PAK5: variants seen among roughly 807,000 people sequenced by gnomAD.
The protein encoded by PAK5 is serine/threonine-protein kinase PAK 5.
A neutral mutation model predicts 65.9 loss-of-function variants in PAK5; 16 were observed. The ratio of observed to expected loss-of-function variants is 0.24; its 90% CI spans 0.16 to 0.37. The LOEUF (loss-of-function observed/expected upper bound fraction) is 0.37. Among genes scored for constraint, PAK5 ranks in the 10% least tolerant of loss-of-function variants. The pLI, the probability that PAK5 is intolerant of heterozygous loss-of-function variation, is 1.00. For missense variants in PAK5, 785 were observed against 903.9 expected, an observed-to-expected ratio of 0.87 and a Z score of 1.69; for synonymous variants, 371 against 354.9, an observed-to-expected ratio of 1.05 and a Z score of -0.51.
At chr20:9,745,631 T>C (rs2048498478) in intron 1 of PAK5, among the ~76,000 whole-genome samples, 1 of 152,126 alleles carries the variant, frequency 6.6e-6, no homozygotes. Context: ...TCTTTACCTG[T>C]AATGTGTACA....
At chr20:9,814,773 C>T (rs1288681961) in intron 1 of PAK5, among the ~76,000 whole-genome samples, 1 of 152,192 alleles carries the variant, frequency 6.6e-6, no homozygotes, top group Non-Finnish European at 1.5e-5. Flanking sequence ...AGCATTTGTG[C>T]AGGCAACAGC....
intron 2 of PAK5, among the ~76,000 whole-genome samples, chr20:9,691,402 T>C (rs1241832721): frequency 6.6e-6 from 1 of 152,142 alleles, no homozygotes; most frequent in African/African-American, 2.4e-5. Flanking sequence ...CAAAAAGCTT[T>C]AGGCAACTGT....
At chr20:9,620,117 A>T (rs1157727027) in intron 3 of PAK5, among the ~76,000 whole-genome samples, 1 of 152,258 alleles carries the variant, frequency 6.6e-6, no homozygotes, top group Non-Finnish European at 1.5e-5. Context: ...GAGGGCAGAA[A>T]TATGAATCAG....
At chr20:9,560,518 C>A (rs915310466) in intron 6 of PAK5, among the ~76,000 whole-genome samples, 13 of 152,222 alleles carry the variant, frequency 8.5e-5, no homozygotes, top group African/African-American at 1.9e-4. Context: ...TGCCACCACA[C>A]TCAGCTAATT....
intron 1 of PAK5, among the ~76,000 whole-genome samples, chr20:9,774,799 A>G (rs2123684934): frequency 6.6e-6 from 1 of 152,040 alleles, no homozygotes; most frequent in Non-Finnish European, 1.5e-5. Flanking sequence ...AAAAAAAAAG[A>G]AAGAAAAATA....
At chr20:9,586,383 G>A (rs1478964178) in intron 3 of PAK5, among the ~76,000 whole-genome samples, 1 of 152,062 alleles carries the variant, frequency 6.6e-6, no homozygotes, top group Non-Finnish European at 1.5e-5. Context: ...TGATTAATGA[G>A]TTGATTGGGT....
At chr20:9,590,619 C>CA (rs71184146) in intron 3 of PAK5, among the ~76,000 whole-genome samples, 14,491 of 130,088 alleles carry the variant, frequency 0.11, 824 homozygotes, top group East Asian at 0.28. Flanking sequence ...TGGGCTGTGC[C>CA]AAAAAAAAAA....
At chr20:9,756,692 T>C (rs1031128006) in intron 1 of PAK5, among the ~76,000 whole-genome samples, 6 of 152,218 alleles carry the variant, frequency 3.9e-5, no homozygotes, top group African/African-American at 7.2e-5. Context: ...TGTGTCTTTT[T>C]ACATCGTAAT....
chr20:9,617,303 A>G (rs903144958), intron 3 of PAK5, among the ~76,000 whole-genome samples: 2 of 152,144 alleles, frequency 1.3e-5, no homozygotes, highest in South Asian at 4.1e-4. Flanking sequence ...AATTTCAATC[A>G]GTGGAAAGAA....
intron 2 of PAK5, among the ~76,000 whole-genome samples, chr20:9,709,616 G>A (rs953994626): frequency 3.4e-4 from 51 of 152,208 alleles, no homozygotes; most frequent in Non-Finnish European, 5.9e-4. Flanking sequence ...TTGCTGCACT[G>A]GGTCTGTTTT....
At chr20:9,655,165 C>T (rs1320547892) in intron 2 of PAK5, among the ~76,000 whole-genome samples, 1 of 152,176 alleles carries the variant, frequency 6.6e-6, no homozygotes, top group Non-Finnish European at 1.5e-5. Flanking sequence ...GCTCTCTCTC[C>T]TAAACTTTTT....
intron 1 of PAK5, among the ~76,000 whole-genome samples, chr20:9,802,910 G>GTGTGTGTA (rs142279832): frequency 6.5e-5 from 3 of 46,364 alleles, no homozygotes; most frequent in African/African-American, 2.4e-4. Context: ...ATATGTATGT[G>GTGTGTGTA]TATATATATA....
chr20:9,670,015 T>G (rs1337374214), intron 2 of PAK5, among the ~76,000 whole-genome samples: 1 of 151,948 alleles, frequency 6.6e-6, no homozygotes, highest in Admixed American at 6.6e-5. Flanking sequence ...AGTGAGAACA[T>G]GCGGTGTGTG....
intron 1 of PAK5, among the ~76,000 whole-genome samples, chr20:9,773,361 T>C (rs1600356702): frequency 1.3e-5 from 2 of 152,138 alleles, no homozygotes; most frequent in East Asian, 3.9e-4. Flanking sequence ...TTATATTAGG[T>C]ATATCTCCTA....
intron 1 of PAK5, among the ~76,000 whole-genome samples, chr20:9,837,818 C>G (rs1449457604): frequency 6.6e-6 from 1 of 152,196 alleles, no homozygotes; most frequent in East Asian, 1.9e-4. Flanking sequence ...CAACTATTAA[C>G]AATGACACTT....
At chr20:9,759,009 A>G (rs181340948) in intron 1 of PAK5, among the ~76,000 whole-genome samples, 2 of 152,258 alleles carry the variant, frequency 1.3e-5, no homozygotes, top group Admixed American at 1.3e-4. Context: ...CTCCAGCCAC[A>G]ACACAGTCCC....
intron 2 of PAK5, among the ~76,000 whole-genome samples, chr20:9,681,928 T>G (rs1428907107): frequency 1.3e-5 from 2 of 152,310 alleles, no homozygotes; most frequent in African/African-American, 4.8e-5. Context: ...CTTCACTATA[T>G]AGAGAGTCTT....
intron 3 of PAK5, among the ~76,000 whole-genome samples, chr20:9,584,404 C>G (rs1437218141): frequency 6.6e-6 from 1 of 152,190 alleles, no homozygotes; most frequent in East Asian, 1.9e-4. Context: ...CCTCCGCCTC[C>G]CGGGTTCAAG....
At chr20:9,836,338 G>A (rs932087436) in intron 1 of PAK5, among the ~76,000 whole-genome samples, 2 of 152,142 alleles carry the variant, frequency 1.3e-5, no homozygotes, top group African/African-American at 4.8e-5. Flanking sequence ...TGGTTAATTT[G>A]AGGTCATATT....
Sources: gnomAD v4.1 joint callset for allele counts (sites outside exome capture counted in the v4.1 genomes callset) on GRCh38, gnomAD v4.1.1 for gene constraint, MANE v1.5 for transcripts, NCBI Gene and HGNC (gene_info 2026-07-23, HGNC 2026-07-21) for gene names.